STYK1: variants seen among roughly 807,000 people sequenced by gnomAD.
The protein encoded by STYK1 is tyrosine-protein kinase STYK1.
In STYK1, 46 loss-of-function variants were observed where a neutral mutation model predicts 48.1. That is an observed-to-expected ratio of 0.96 (90% CI 0.75 to 1.22). The LOEUF (loss-of-function observed/expected upper bound fraction) is 1.22, where lower values mean the gene tolerates loss of function less well. Ranked by LOEUF, STYK1 falls within the 50% of genes most tolerant of loss-of-function variation. STYK1 has a pLI of 0.00. For synonymous variants in STYK1, 188 were observed against 189.0 expected (o/e 0.99, Z 0.04); for missense variants, 527 against 521.1 (o/e 1.01, Z -0.11).
intron 1 of STYK1, among the ~76,000 whole-genome samples, chr12:10,654,354 G>A (rs949642271): frequency 2.0e-5 from 3 of 152,098 alleles, no homozygotes; most frequent in African/African-American, 4.8e-5. Flanking sequence ...TACTTTCTTA[G>A]TAAATGTGCT....
In STYK1 at chr12:10,634,559, G is replaced by A. The variant is rs540422977; in HGVS notation, c.52+8C>T. ...CAGAGGATAGACATCTGTGGAATCC[G>A]TACTTACCACACAACTTGTCACTGA... On this transcript the variant is annotated splice_region_variant and intron_variant, in intron 3 of 10. Transcript: ENST00000075503. 31 of 1,613,046 alleles carry A rather than the reference G, an allele frequency of 1.9e-5. No individual in the cohort carries two copies. Among genetic ancestry groups the A allele is most frequent in the Middle Eastern group, 1.6e-4 (1 of 6,082 alleles).
rs566591784 is a variant in STYK1, at chr12:10,621,694, A to AAT, written c.1064+180_1064+181dup. Among the ~76,000 whole-genome samples, 685 of 151,988 alleles carry AAT rather than the reference A, an allele frequency of 4.5e-3. 6 individuals are homozygous for AAT. The highest frequency in any genetic ancestry group is 0.015 in the African/African-American group (621 of 41,448). On this transcript the variant is annotated intron_variant, in intron 10 of 10. Coordinates refer to ENST00000075503, the MANE Select transcript of STYK1 (RefSeq NM_018423.3). The stretch of plus-strand genomic sequence containing the variant: ...AGTGTGTGTATGTATATGTATATAT[A>AAT]ATATATATGCATATATAATATATGA...
rs747238411 is a variant in STYK1, at chr12:10,631,107, C to A, written c.389G>T (p.Arg130Leu). The A allele has an allele frequency of 3.7e-6, 6 of 1,614,018 alleles. No homozygotes were observed. The Admixed American group carries it at 1.0e-4, about 27-fold the overall frequency. ...ICSGSCGPIF[R>L]ANMNTGDPSK... ...AGGGTCCCCAGTGTTCATATTGGCT[C>A]GAAAGATGGGCCCACAGCTACCACT... is the stretch of plus-strand genomic sequence containing the variant. The change falls in exon 5 of 11, where the codon CGA becomes CTA. Residue 130 changes from arginine (R) to leucine (L), a missense_variant. Physicochemically the swap from Arg to Leu is moderately radical, Grantham distance 102 (BLOSUM62 -2). Transcript: ENST00000075503.
At chr12:10,665,109 G>A (rs1165307836) in intron 1 of STYK1, among the ~76,000 whole-genome samples, 2 of 152,192 alleles carry the variant, frequency 1.3e-5, no homozygotes, top group African/African-American at 4.8e-5. Context: ...TTGGGGTTAT[G>A]GGAGCTGCTT....
At chr12:10,642,588 A>G (rs1282898039) in intron 1 of STYK1, among the ~76,000 whole-genome samples, 1 of 152,200 alleles carries the variant, frequency 6.6e-6, no homozygotes, top group African/African-American at 2.4e-5. Flanking sequence ...AAAAATAACA[A>G]AATGAAACAA....
intron 1 of STYK1, among the ~76,000 whole-genome samples, chr12:10,657,884 G>T (rs1208040434): frequency 6.6e-6 from 1 of 152,220 alleles, no homozygotes; most frequent in Non-Finnish European, 1.5e-5. Flanking sequence ...TAACATGCAA[G>T]GTGTGTAAGG....
intron 1 of STYK1, among the ~76,000 whole-genome samples, chr12:10,665,356 A>G (rs1038410947): frequency 2.6e-5 from 4 of 152,226 alleles, no homozygotes; most frequent in East Asian, 1.9e-4. Context: ...AGAATGCCCT[A>G]TGTGTACAAG....
rs754996298 is a variant in STYK1 at position 10,631,210 on chromosome 12, G to C, written c.286C>G (p.Leu96Val). 3.2e-5 allele frequency: 51 copies of C among 1,614,112 alleles called. No homozygotes were observed. Among genetic ancestry groups the C allele is most frequent in the Non-Finnish European group, 3.7e-5 (44 of 1,180,052 alleles). Reference sequence around the variant, plus strand: ...GCCAGGGCAGGTGTGGTAGCTCCCAGAAAGTTTTCCACGGATGTCTCCTTA... The same window carrying C: ...GCCAGGGCAGGTGTGGTAGCTCCCACAAAGTTTTCCACGGATGTCTCCTTA... ...PLKETSVENF[L>V]GATTPALAKL... The change falls in exon 5 of 11, where the codon CTG becomes GTG. Residue 96 changes from leucine to valine, a missense_variant. By Grantham distance (32) the Leu-to-Val change is conservative. Transcript: ENST00000075503.
intron 1 of STYK1, among the ~76,000 whole-genome samples, chr12:10,663,078 C>G (rs1485902661): frequency 6.6e-6 from 1 of 152,178 alleles, no homozygotes; most frequent in Non-Finnish European, 1.5e-5. Context: ...TAAAGACAAT[C>G]TTTTTCTGCT....
chr12:10,624,917 C>T lies in STYK1; in HGVS notation c.718-58G>A, dbSNP rs919160850. 6.1e-6 allele frequency: 9 copies of T among 1,472,926 alleles called. No individual in the cohort carries two copies. The African/African-American group carries it at 1.3e-4, about 20-fold the overall frequency. The allele number at this position is 1,472,926 out of a possible 1,614,324, so 91.2% of individuals were successfully genotyped here. Reference sequence around the variant, plus strand: ...CTGAGATCACAGCTTGGGTCACAGACAAGGAGAGGCAGTCCTAGGAATCTT... The same window carrying T: ...CTGAGATCACAGCTTGGGTCACAGATAAGGAGAGGCAGTCCTAGGAATCTT... On this transcript the variant is annotated intron_variant, in intron 7 of 10. Transcript: ENST00000075503.
intron 1 of STYK1, among the ~76,000 whole-genome samples, chr12:10,638,875 C>T (rs1947513793): frequency 6.6e-6 from 1 of 152,224 alleles, no homozygotes; most frequent in South Asian, 2.1e-4. Context: ...GCCAGCCTCA[C>T]CTTCAACCTT....
chr12:10,632,735 T>C (rs1316255695), intron 4 of STYK1, among the ~76,000 whole-genome samples: 2 of 151,996 alleles, frequency 1.3e-5, no homozygotes, highest in African/African-American at 2.4e-5. Flanking sequence ...ATTTTGAAAA[T>C]AGGGTAACAG....
rs763044772 is a variant in STYK1, at chr12:10,670,995, AT to A, written c.-195+2970del. 9.5e-3 allele frequency among the ~76,000 whole-genome samples: 1,044 copies of A among 110,430 alleles called. 5 individuals carry two copies. The highest frequency in any genetic ancestry group is 0.021 in the African/African-American group (579 of 27,264). 72.4% of individuals were successfully genotyped at this position (110,430 alleles called of 152,430 possible). On this transcript the variant is annotated intron_variant, in intron 1 of 10. Transcript: ENST00000075503. ...ATCTCCAGAACCTATGAATATATTG[AT>A]TTTTTTTTTTTTTTTTTTTTTGACA...
intron 7 of STYK1, among the ~76,000 whole-genome samples, chr12:10,626,694 T>C (rs1236795955): frequency 6.6e-6 from 1 of 152,212 alleles, no homozygotes. Context: ...CCCTGAGTTC[T>C]TTCTCTTATC....
chr12:10,630,931 T>C, intron 5 of STYK1, 114 bp downstream of exon 5: 1 of 1,379,778 alleles, frequency 7.2e-7, no homozygotes, highest in Non-Finnish European at 9.9e-7. Flanking sequence ...CTCTATTACC[T>C]TCTTCTGTAC....
chr12:10,653,704 C>G (rs1389556516), intron 1 of STYK1, among the ~76,000 whole-genome samples: 2 of 151,664 alleles, frequency 1.3e-5, no homozygotes, highest in African/African-American at 4.8e-5. Context: ...TGTAGATGTG[C>G]TCCGACTGAT....
chr12:10,660,188 C>T (rs1947761112), intron 1 of STYK1, among the ~76,000 whole-genome samples: 1 of 152,080 alleles, frequency 6.6e-6, no homozygotes, highest in African/African-American at 2.4e-5. Flanking sequence ...TTGCTTTGTA[C>T]CCTTTGTGTA....
intron 5 of STYK1, among the ~76,000 whole-genome samples, chr12:10,630,224 A>G (rs1050131620): frequency 1.3e-5 from 2 of 151,382 alleles, no homozygotes; most frequent in African/African-American, 4.9e-5. Flanking sequence ...CATTTCTACT[A>G]ATAATACAAA....
chr12:10,650,134 A>C (rs1013162096), intron 1 of STYK1, among the ~76,000 whole-genome samples: 3 of 151,116 alleles, frequency 2.0e-5, no homozygotes, highest in African/African-American at 7.3e-5. Flanking sequence ...AAAAAAAAAA[A>C]AAAAAAAAAA....
Sources: gnomAD v4.1 joint callset for allele counts (sites outside exome capture counted in the v4.1 genomes callset) on GRCh38, gnomAD v4.1.1 for gene constraint, MANE v1.5 for transcripts, NCBI Gene and HGNC (gene_info 2026-07-23, HGNC 2026-07-21) for gene names.